Variants in RPS8 observed in about 807,000 individuals in gnomAD.
RPS8 encodes ribosomal protein S8, also known as small ribosomal subunit protein eS8.
For synonymous variants in RPS8, 100 were observed against 100.7 expected (o/e 0.99, Z 0.04); for missense variants, 141 against 269.7 (o/e 0.52, Z 3.34).
At position 44,775,589 on chromosome 1, in the gene RPS8, G is replaced by T. The variant is rs768784850; in HGVS notation, c.-8G>T. On this transcript the variant is annotated 5_prime_UTR_variant, in exon 1 of 6. Transcript: ENST00000396651. ...TTTGCGGTTTCTCTTTCCAGCCAGC[G>T]CCGAGCGATGGGTGAGTGTCGCTCT... 6.2e-7 allele frequency: 1 copy of T among 1,614,128 alleles called. No individual in the cohort carries two copies. The highest frequency in any genetic ancestry group is 1.1e-5 in the South Asian group (1 of 91,080).
rs1334769580 is a variant in RPS8 at position 44,776,603 on chromosome 1, G to C, written c.112-72G>C. 5 of 1,294,840 alleles carry C rather than the reference G, an allele frequency of 3.9e-6. No homozygotes were observed. The East Asian group carries it at 9.2e-5, about 24-fold the overall frequency. 80.2% of individuals were successfully genotyped at this position (1,294,840 alleles called of 1,614,324 possible). ...GTTACACTGACTGTTGCCTCCTCCC[G>C]GCCCAGGTTCCTCTCCCTCACTTGC... is the stretch of plus-strand genomic sequence containing the variant. On this transcript the variant is annotated intron_variant, in intron 2 of 5. Transcript: ENST00000396651.
chr1:44,775,845 A>C (rs1650827869), intron 1 of RPS8, 189 bp from the exon 2 acceptor site: 2 of 794,552 alleles, frequency 2.5e-6, no homozygotes, highest in African/African-American at 1.7e-5. Context: ...CGCGAGGAGG[A>C]GGCCCCGGCC....
chr1:44,775,814 G>A, intron 1 of RPS8: 3 of 790,974 alleles, frequency 3.8e-6, no homozygotes, highest in Admixed American at 4.8e-5. Flanking sequence ...TGCGGGCTCC[G>A]AGCGGCGCCA....
intron 4 of RPS8, 59 bp from the exon 5 acceptor site, chr1:44,777,941 G>A (rs1268395159): frequency 6.2e-7 from 1 of 1,610,724 alleles, no homozygotes; most frequent in Admixed American, 1.7e-5. Flanking sequence ...CAGGGTTCGA[G>A]AAAGCTCCCA....
chr1:44,776,902 A>G (rs1039704444), intron 3 of RPS8, 128 bp downstream of exon 3: 57 of 615,144 alleles, frequency 9.3e-5, no homozygotes, highest in Non-Finnish European at 1.4e-4. Flanking sequence ...CGGGCGGATC[A>G]CCTGAGGTCA....
At chr1:44,775,908 C>T (rs914235612) in intron 1 of RPS8, 126 bp from the exon 2 acceptor site, 2 of 923,142 alleles carry the variant, frequency 2.2e-6, no homozygotes, top group Non-Finnish European at 3.6e-6. Flanking sequence ...CCCGAGTGCG[C>T]GGTGGGGAAG....
intron 5 of RPS8, 106 bp from the exon 6 acceptor site, chr1:44,778,470 A>C (rs889102023): frequency 1.1e-6 from 1 of 927,620 alleles, no homozygotes; most frequent in African/African-American, 1.6e-5. Flanking sequence ...AGCTGGCTTC[A>C]TGCTTGCCCC....
chr1:44,776,192 C>T (rs1402103394), intron 2 of RPS8, 52 bp downstream of exon 2: 1 of 1,321,154 alleles, frequency 7.6e-7, no homozygotes, highest in East Asian at 2.4e-5. Flanking sequence ...CCCCCGCTCT[C>T]CAGCGTGCTC....
Position 44,778,215 on chromosome 1 carries a change from G to C in RPS8, c.517+86G>C, listed in dbSNP as rs1573591777. 4.0e-6 allele frequency: 6 copies of C among 1,512,766 alleles called. No individual in the cohort carries two copies. The African/African-American group carries it at 8.3e-5, about 21-fold the overall frequency. 93.7% of individuals were successfully genotyped at this position (1,512,766 alleles called of 1,614,324 possible). A position where few individuals can be genotyped will look rare whatever the true frequency, so the allele number is the denominator to read the frequency against. On this transcript the variant is annotated intron_variant, in intron 5 of 5. Transcript: ENST00000396651. The stretch of plus-strand genomic sequence containing the variant: ...TTCCCTTGTCTCAGTTCCTTTGACT[G>C]CCAGCCATGCAGTCTAAAGGGTTCA...
chr1:44,777,619 A>T lies in RPS8; in HGVS notation c.217A>T (p.Thr73Ser). The change falls in exon 4 of 6, where the codon ACT becomes TCT. Residue 73 changes from threonine to serine, a missense_variant. Thr to Ser is a moderately conservative substitution (Grantham distance 58). Coordinates refer to ENST00000396651, the MANE Select transcript of RPS8 (RefSeq NM_001012.2). ...GNFSWGSECC[T>S]RKTRIIDVVY... ...CAAATTTCTCCTGTGAGCAGGTTGT[A>T]CTCGTAAAACAAGGATCATCGATGT... 1 of 1,613,306 alleles carries T rather than the reference A, an allele frequency of 6.2e-7. No individual in the cohort carries two copies.
chr1:44,777,836 C>T, intron 4 of RPS8, 47 bp downstream of exon 4: 1 of 1,598,724 alleles, frequency 6.3e-7, no homozygotes, highest in East Asian at 2.2e-5. Context: ...CAGCCTGACT[C>T]CAGCCTTCTC....
rs772147655 is a variant in RPS8 at position 44,776,701 on chromosome 1, C to G, written c.138C>G (p.Val46=). 1 of 1,614,032 alleles carries G rather than the reference C, an allele frequency of 6.2e-7. No homozygotes were observed. Among genetic ancestry groups the G allele is most frequent in the Admixed American group, 1.7e-5 (1 of 59,970 alleles). The part of the protein sequence containing the change: ...TKIGPRRIHT[V]RVRGGNKKYR... ...TTGGCCCCCGCCGCATCCACACAGT[C>G]CGTGTGCGGGGAGGTAACAAGAAAT... The change falls in exon 3 of 6, where the codon GTC becomes GTG. Residue 46 remains valine (V), a synonymous_variant. Coordinates refer to ENST00000396651, the MANE Select transcript of RPS8 (RefSeq NM_001012.2).
rs41269075 is a variant in RPS8 at position 44,776,847 on chromosome 1, C to G, written c.211+73C>G. On this transcript the variant is annotated intron_variant, in intron 3 of 5. Coordinates refer to ENST00000396651, the MANE Select transcript of RPS8 (RefSeq NM_001012.2). ...CTTAAGATTCACCAAGTGGGCCTGGCGCGGTGGCTCACGCCTATAAGCCCA... is the reference window on the plus strand; with the variant it reads ...CTTAAGATTCACCAAGTGGGCCTGGGGCGGTGGCTCACGCCTATAAGCCCA... The G allele has an allele frequency of 9.3e-6, 11 of 1,178,486 alleles. No homozygotes were observed. In the African/African-American group the frequency reaches 1.7e-4, roughly 18 times the overall value. 73.0% of individuals were successfully genotyped at this position (1,178,486 alleles called of 1,614,324 possible).
At position 44,777,987 on chromosome 1, in the gene RPS8, A is replaced by T. The variant is rs756082322; in HGVS notation, c.388-13A>T. On this transcript the variant is annotated splice_polypyrimidine_tract_variant and intron_variant, in intron 4 of 5. Transcript: ENST00000396651. ...TCCTTCCCTGAGCTCATATATTTGTATCCCCTTTTCAGACTCCTGAGGAAG... is the reference window on the plus strand; with the variant it reads ...TCCTTCCCTGAGCTCATATATTTGTTTCCCCTTTTCAGACTCCTGAGGAAG... 1.9e-6 allele frequency: 3 copies of T among 1,613,568 alleles called. No homozygotes were observed. Among genetic ancestry groups the T allele is most frequent in the South Asian group, 2.2e-5 (2 of 90,754 alleles).
rs772973833 is a variant in RPS8 at position 44,777,663 on chromosome 1, T to C, written c.261T>C (p.Asn87=). 6.2e-6 allele frequency: 10 copies of C among 1,613,976 alleles called. No homozygotes were observed. Reference sequence around the variant, plus strand: ...TCGATGTTGTCTACAATGCATCTAATAACGAGCTGGTTCGTACCAAGACCC... The same window carrying C: ...TCGATGTTGTCTACAATGCATCTAACAACGAGCTGGTTCGTACCAAGACCC... ...RIIDVVYNAS[N]NELVRTKTLV... Residue 87 remains asparagine (N), a synonymous_variant, in exon 4 of 6, where the codon AAT becomes AAC. Transcript: ENST00000396651.
At chr1:44,776,552 A>G (rs888327829) in intron 2 of RPS8, 123 bp from the exon 3 acceptor site, 4 of 849,154 alleles carry the variant, frequency 4.7e-6, no homozygotes, top group Non-Finnish European at 6.1e-6. Flanking sequence ...CCTGTGTGCC[A>G]CTTGCCAATG....
At position 44,776,827 on chromosome 1, in the gene RPS8, G is replaced by T. The variant is rs536807326; in HGVS notation, c.211+53G>T. The T allele has an allele frequency of 4.3e-6, 6 of 1,396,060 alleles. No individual in the cohort carries two copies. In the South Asian group the frequency reaches 5.0e-5, roughly 12 times the overall value. The allele number at this position is 1,396,060 out of a possible 1,614,324, so 86.5% of individuals were successfully genotyped here. A position where few individuals can be genotyped will look rare whatever the true frequency, so the allele number is the denominator to read the frequency against. The stretch of plus-strand genomic sequence containing the variant: ...GGAAAACGCACCTAAACGGTCTTAA[G>T]ATTCACCAAGTGGGCCTGGCGCGGT... On this transcript the variant is annotated intron_variant, in intron 3 of 5. Coordinates refer to ENST00000396651, the MANE Select transcript of RPS8 (RefSeq NM_001012.2).
At chr1:44,777,081 A>G (rs939863910) in intron 3 of RPS8, 3 of 262,110 alleles carry the variant, frequency 1.1e-5, no homozygotes, top group Non-Finnish European at 2.2e-5. Context: ...TCCTGCTCCA[A>G]TCTCTTTTTT....
At chr1:44,777,819 G>A (rs1650911891) in intron 4 of RPS8, 30 bp downstream of exon 4, 1 of 1,612,000 alleles carries the variant, frequency 6.2e-7, no homozygotes, top group Non-Finnish European at 8.5e-7. Flanking sequence ...AGGGGTTGTG[G>A]GGAGGGCAGC....
Sources: gnomAD v4.1 joint callset for allele counts on GRCh38, gnomAD v4.1.1 for gene constraint, MANE v1.5 for transcripts, NCBI Gene and HGNC (gene_info 2026-07-23, HGNC 2026-07-21) for gene names.